AJAP1: variants seen among roughly 807,000 people sequenced by gnomAD.
AJAP1 encodes the protein adherens junctions associated protein 1.
In AJAP1, 5 loss-of-function variants were observed where a neutral mutation model predicts 35.0. The observed-to-expected ratio is 0.14, with a 90% confidence interval of 0.07 to 0.30. The LOEUF (loss-of-function observed/expected upper bound fraction) is 0.30. AJAP1 is among the 10% of genes least tolerant of loss of function. The probability of loss-of-function intolerance (pLI) is 1.00; values close to 1 mark genes in which losing one functional copy is unlikely to be tolerated. For synonymous variants in AJAP1, 284 were observed against 249.3 expected, an observed-to-expected ratio of 1.14 and a Z score of -1.31; for missense variants, 586 against 571.0, an observed-to-expected ratio of 1.03 and a Z score of -0.27.
chr1:4,784,189 C>T lies in AJAP1; in HGVS notation c.*1704C>T, dbSNP rs1642123064. 1 of 152,342 alleles carries T rather than the reference C, an allele frequency of 6.6e-6. No individual in the cohort carries two copies. Among genetic ancestry groups the T allele is most frequent in the African/African-American group, 2.4e-5 (1 of 41,458 alleles). The allele number at this position is 152,342 out of a possible 1,614,324, so 9.4% of individuals were successfully genotyped here. ...AAAATACTGCCATGCCGCCGGGCCT[C>T]CCTCACAAGCCTCACCTGAAACGGG... is the stretch of plus-strand genomic sequence containing the variant. On this transcript the variant is annotated 3_prime_UTR_variant, in exon 6 of 6. Coordinates refer to ENST00000378191, the MANE Select transcript of AJAP1 (RefSeq NM_018836.4).
In AJAP1 at chr1:4,784,367, C is replaced by T. The variant is rs1047881669; in HGVS notation, c.*1882C>T. The T allele has an allele frequency of 2.6e-5, 4 of 152,206 alleles. No homozygotes were observed. The highest frequency in any genetic ancestry group is 9.6e-5 in the African/African-American group (4 of 41,456). The allele number at this position is 152,206 out of a possible 1,614,324, so 9.4% of individuals were successfully genotyped here. On this transcript the variant is annotated 3_prime_UTR_variant, in exon 6 of 6. Transcript: ENST00000378191. ...GTCCCTGTCTCCAAAGACTATATTT[C>T]TCACGCGTGGCCCACGTGCAGCTTT...
chr1:4,711,032 TGAG>T (rs1640219625), intron 1 of AJAP1: 1 of 152,168 alleles, frequency 6.6e-6, no homozygotes, highest in Non-Finnish European at 1.5e-5. Context: ...TCCGGGGAGC[TGAG>T]GAGGTGGATA....
In AJAP1 at chr1:4,774,352, G is replaced by A. The variant is rs1047810344; in HGVS notation, c.1164-75G>A. ...CTCAAGAAGCCAGTCCCCACCACAG[G>A]CCTGCCCCGGCTTGCCTATCATGTG... On this transcript the variant is annotated intron_variant, in intron 4 of 5. Coordinates refer to ENST00000378191, the MANE Select transcript of AJAP1 (RefSeq NM_018836.4). The A allele has an allele frequency of 2.8e-6, 4 of 1,405,968 alleles. No individual in the cohort carries two copies. In the African/African-American group the frequency reaches 5.7e-5, roughly 20 times the overall value. The allele number at this position is 1,405,968 out of a possible 1,614,324, so 87.1% of individuals were successfully genotyped here.
intron 2 of AJAP1, among the ~76,000 whole-genome samples, chr1:4,745,184 G>A (rs1392836841): frequency 2.6e-5 from 4 of 152,184 alleles, no homozygotes; most frequent in South Asian, 2.1e-4. Context: ...ACAAATGGAC[G>A]TCAGAGACAC....
At chr1:4,743,379 C>G (rs1050243017) in intron 2 of AJAP1, among the ~76,000 whole-genome samples, 1 of 152,016 alleles carries the variant, frequency 6.6e-6, no homozygotes, top group East Asian at 1.9e-4. Flanking sequence ...AAAAGGGGCT[C>G]GAGACAGTGC....
chr1:4,741,308 A>G (rs1015756592), intron 2 of AJAP1, among the ~76,000 whole-genome samples: 2 of 152,174 alleles, frequency 1.3e-5, no homozygotes, highest in African/African-American at 2.4e-5. Flanking sequence ...GGAAGCCCAA[A>G]TCAGAGTGTG....
At chr1:4,745,582 C>T (rs1416534120) in intron 2 of AJAP1, among the ~76,000 whole-genome samples, 4 of 152,200 alleles carry the variant, frequency 2.6e-5, no homozygotes, top group East Asian at 1.9e-4. Flanking sequence ...TTCACAGTGC[C>T]CTTCTCAGAC....
chr1:4,753,675 G>A (rs1318638167), intron 2 of AJAP1, among the ~76,000 whole-genome samples: 1 of 152,030 alleles, frequency 6.6e-6, no homozygotes, highest in Non-Finnish European at 1.5e-5. Context: ...TGGGTTCAAG[G>A]GATTCTCCTG....
chr1:4,740,926 C>T (rs1464113986), intron 2 of AJAP1, among the ~76,000 whole-genome samples: 2 of 151,842 alleles, frequency 1.3e-5, no homozygotes, highest in African/African-American at 4.8e-5. Context: ...AGGTGTCTTG[C>T]GTCTGGCACC....
intron 2 of AJAP1, among the ~76,000 whole-genome samples, chr1:4,738,254 A>G (rs978410834): frequency 6.6e-6 from 1 of 152,268 alleles, no homozygotes; most frequent in Non-Finnish European, 1.5e-5. Context: ...TCATGGGGCT[A>G]GCAGGCCCAC....
chr1:4,722,415 C>G (rs1557625912), intron 2 of AJAP1, among the ~76,000 whole-genome samples: 1 of 152,224 alleles, frequency 6.6e-6, no homozygotes, highest in Non-Finnish European at 1.5e-5. Flanking sequence ...CTGCTCTAGT[C>G]CTAGACATTC....
intron 2 of AJAP1, among the ~76,000 whole-genome samples, chr1:4,724,783 C>T (rs1348317615): frequency 3.3e-5 from 5 of 151,542 alleles, no homozygotes; most frequent in Non-Finnish European, 7.4e-5. Flanking sequence ...GAGACAGCTG[C>T]AGGGAACGGG....
At position 4,655,591 on chromosome 1, in the gene AJAP1, C is replaced by T; in HGVS notation, c.29+137C>T. On this transcript the variant is annotated intron_variant, in intron 1 of 5. Coordinates refer to ENST00000378191, the MANE Select transcript of AJAP1 (RefSeq NM_018836.4). This position sits in a 1 kb window ranked among gnomAD's most constrained non-coding sequence, Gnocchi z 6.9. ...AGCGGGCAACGGGGTGCACCGGTAG[C>T]CGGAAAGGGGCGCCCGCCCGGAGCC... The T allele has an allele frequency of 2.7e-6, 3 of 1,124,848 alleles. No individual in the cohort carries two copies. Among genetic ancestry groups the T allele is most frequent in the East Asian group, 3.3e-5 (1 of 29,982 alleles). The allele number at this position is 1,124,848 out of a possible 1,614,324, so 69.7% of individuals were successfully genotyped here. A position where few individuals can be genotyped will look rare whatever the true frequency, so the allele number is the denominator to read the frequency against.
At chr1:4,684,867 AG>A (rs1639571283) in intron 1 of AJAP1, among the ~76,000 whole-genome samples, 1 of 152,164 alleles carries the variant, frequency 6.6e-6, no homozygotes, top group East Asian at 1.9e-4. Flanking sequence ...GAGCTGTCAA[AG>A]GGGCCACAAG....
At chr1:4,718,100 A>G (rs1640436307) in intron 2 of AJAP1, among the ~76,000 whole-genome samples, 1 of 151,976 alleles carries the variant, frequency 6.6e-6, no homozygotes, top group Non-Finnish European at 1.5e-5. Context: ...GATCTTCTGA[A>G]TGGATGCAGC....
At chr1:4,739,732 T>C (rs79428760) in intron 2 of AJAP1, among the ~76,000 whole-genome samples, 2 of 152,154 alleles carry the variant, frequency 1.3e-5, no homozygotes, top group African/African-American at 2.4e-5. Flanking sequence ...TGTTTTTTTT[T>C]CTGTTTTCTT....
intron 1 of AJAP1, among the ~76,000 whole-genome samples, chr1:4,703,717 ATG>A (rs888877495): frequency 1.3e-5 from 2 of 152,138 alleles, no homozygotes; most frequent in African/African-American, 4.8e-5. Context: ...GGGGTTGGGT[ATG>A]GCCAACACAG....
chr1:4,748,617 G>A (rs1440202442), intron 2 of AJAP1, among the ~76,000 whole-genome samples: 4 of 151,970 alleles, frequency 2.6e-5, no homozygotes, highest in African/African-American at 4.8e-5. Flanking sequence ...GCATGATGGC[G>A]TGTGCCTGTA....
intron 2 of AJAP1, among the ~76,000 whole-genome samples, chr1:4,765,289 G>A (rs1295189794): frequency 6.6e-6 from 1 of 152,232 alleles, no homozygotes; most frequent in Admixed American, 6.5e-5. Context: ...TGGGGGCATA[G>A]AGAGTGTGCT....
Sources: allele counts gnomAD v4.1 joint callset (sites outside exome capture counted in the v4.1 genomes callset), GRCh38; gene constraint gnomAD v4.1.1; non-coding constraint Gnocchi (gnomAD v3.1); transcripts MANE v1.5; gene names NCBI Gene and HGNC (gene_info 2026-07-23, HGNC 2026-07-21).